The following ATRNL1 variants were observed in gnomAD, a reference collection of about 807,000 sequenced individuals.
ATRNL1 encodes the protein attractin-like protein 1.
ATRNL1 carries 95 observed loss-of-function variants against 182.7 expected under a neutral mutation model. That is an observed-to-expected ratio of 0.52 (90% CI 0.44 to 0.62). The LOEUF is 0.62. ATRNL1 is among the 20% of genes least tolerant of loss of function. The probability of loss-of-function intolerance (pLI) is 0.00; values close to 1 mark genes in which losing one functional copy is unlikely to be tolerated. For missense variants in ATRNL1, 1,471 were observed against 1,679.5 expected (o/e 0.88, Z 2.17); for synonymous variants, 576 against 568.3 (o/e 1.01, Z -0.19).
intron 13 of ATRNL1, among the ~76,000 whole-genome samples, chr10:115,280,767 T>TG (rs1852324758): frequency 6.6e-6 from 1 of 152,218 alleles, no homozygotes; most frequent in African/African-American, 2.4e-5. Flanking sequence ...GCTTCTTCTA[T>TG]CTGGTGAAAA....
At chr10:115,676,620 A>G (rs1242124381) in intron 26 of ATRNL1, among the ~76,000 whole-genome samples, 1 of 152,030 alleles carries the variant, frequency 6.6e-6, no homozygotes, top group African/African-American at 2.4e-5. Context: ...GTAAGTATGC[A>G]GTTAAGAACA....
At chr10:115,850,158 A>G (rs1589602444) in intron 28 of ATRNL1, among the ~76,000 whole-genome samples, 1 of 152,306 alleles carries the variant, frequency 6.6e-6, no homozygotes, top group East Asian at 1.9e-4. Context: ...TAAGAGGGGT[A>G]GATGGACTGA....
Position 115,093,909 on chromosome 10 carries a change from C to G in ATRNL1, c.159C>G (p.Leu53=). 10 of 1,597,526 alleles carry G rather than the reference C, an allele frequency of 6.3e-6. No homozygotes were observed. Among genetic ancestry groups the G allele is most frequent in the Non-Finnish European group, 8.5e-6 (10 of 1,173,636 alleles). Residue 53 remains leucine, a synonymous_variant, in exon 1 of 29, where the codon CTC becomes CTG. Coordinates refer to ENST00000355044, the MANE Select transcript of ATRNL1 (RefSeq NM_207303.4). This position sits in a 1 kb window ranked among gnomAD's most constrained non-coding sequence, Gnocchi z 6.1. Reference sequence around the variant, plus strand: ...GCTATGGCTTCCTCTACCTGGCGCTCTACGCGCAGGTGTCCCAGTCCAAGC... The same window carrying G: ...GCTATGGCTTCCTCTACCTGGCGCTGTACGCGCAGGTGTCCCAGTCCAAGC... ...LLCYGFLYLA[L]YAQVSQSKPC...
intron 27 of ATRNL1, among the ~76,000 whole-genome samples, chr10:115,731,288 T>C (rs1555062700): frequency 6.6e-6 from 1 of 152,162 alleles, no homozygotes; most frequent in African/African-American, 2.4e-5. Flanking sequence ...TCCAGGACAA[T>C]GTGGACTGTG....
intron 27 of ATRNL1, among the ~76,000 whole-genome samples, chr10:115,798,153 G>A (rs2134228144): frequency 6.6e-6 from 1 of 152,208 alleles, no homozygotes; most frequent in African/African-American, 2.4e-5. Flanking sequence ...TCCTGACCTT[G>A]TGATCCGCCC....
intron 26 of ATRNL1, among the ~76,000 whole-genome samples, chr10:115,588,183 G>A (rs1265368263): frequency 1.3e-5 from 2 of 152,048 alleles, no homozygotes; most frequent in African/African-American, 2.4e-5. Context: ...TTGGCTCTCC[G>A]GAATCATTCT....
chr10:115,543,521 C>A (rs1554992694), intron 25 of ATRNL1, among the ~76,000 whole-genome samples: 1 of 151,940 alleles, frequency 6.6e-6, no homozygotes, highest in African/African-American at 2.4e-5. Flanking sequence ...TAATAATATG[C>A]CCAAACCATC....
chr10:115,196,137 T>C (rs1428258953), intron 8 of ATRNL1, among the ~76,000 whole-genome samples: 1 of 152,044 alleles, frequency 6.6e-6, no homozygotes, highest in African/African-American at 2.4e-5. Context: ...CTACAGCCTG[T>C]CATTTAGAGA....
At chr10:115,477,578 GT>G (rs1229424398) in intron 24 of ATRNL1, among the ~76,000 whole-genome samples, 1 of 151,554 alleles carries the variant, frequency 6.6e-6, no homozygotes, top group Non-Finnish European at 1.5e-5. Flanking sequence ...CTGGGAAGTA[GT>G]TTTTTGGCTT....
chr10:115,933,485 G>A (rs781989704), intron 28 of ATRNL1, among the ~76,000 whole-genome samples: 26 of 152,042 alleles, frequency 1.7e-4, no homozygotes, highest in African/African-American at 6.1e-4. Context: ...AGCCCACTCT[G>A]CTGCCGCCCA....
chr10:115,471,908 C>CA (rs1383731230), intron 24 of ATRNL1, among the ~76,000 whole-genome samples: 4 of 150,748 alleles, frequency 2.7e-5, no homozygotes, highest in South Asian at 2.1e-4. Flanking sequence ...GTATTATATC[C>CA]AAAAAAATCA....
At position 115,528,531 on chromosome 10, in the gene ATRNL1, G is replaced by A. The variant is rs1008572288; in HGVS notation, c.3716+9207G>A. On this transcript the variant is annotated intron_variant, in intron 25 of 28. Transcript: ENST00000355044. ...TTTCTTTCTCTTTTCTTTTTTTTTG[G>A]TCAGTCTAACTAAAGGTTTGCCAAT... Among the ~76,000 whole-genome samples, 5 of 150,370 alleles carry A rather than the reference G, an allele frequency of 3.3e-5. No individual in the cohort carries two copies. The South Asian group carries it at 6.3e-4, about 19-fold the overall frequency.
intron 5 of ATRNL1, among the ~76,000 whole-genome samples, chr10:115,148,605 C>A (rs1564774880): frequency 6.6e-6 from 1 of 152,048 alleles, no homozygotes; most frequent in Non-Finnish European, 1.5e-5. Flanking sequence ...TTGTCTCGCA[C>A]TAAGGAAATC....
intron 27 of ATRNL1, among the ~76,000 whole-genome samples, chr10:115,793,760 G>A (rs782668285): frequency 5.3e-5 from 8 of 152,204 alleles, no homozygotes; most frequent in African/African-American, 1.4e-4. Context: ...TTAAAACTAC[G>A]ATGAATAAGG....
chr10:115,281,175 C>G (rs115424850), intron 13 of ATRNL1, among the ~76,000 whole-genome samples, 180 bp from the exon 14 acceptor site: 1,705 of 152,102 alleles, frequency 0.011, 28 homozygotes, highest in African/African-American at 0.038. Flanking sequence ...AGCTTCAGGC[C>G]AAATTTAATT....
At chr10:115,357,854 TA>T (rs1241729415) in intron 19 of ATRNL1, among the ~76,000 whole-genome samples, 2 of 151,684 alleles carry the variant, frequency 1.3e-5, no homozygotes, top group East Asian at 3.9e-4. Flanking sequence ...ATTAATTAGT[TA>T]AGAAATGGAA....
intron 28 of ATRNL1, among the ~76,000 whole-genome samples, chr10:115,896,700 C>T (rs1555112605): frequency 6.6e-6 from 1 of 151,744 alleles, no homozygotes. Context: ...TAATTTAGTG[C>T]CATAATAAAG....
chr10:115,522,787 T>C (rs1554985584), intron 25 of ATRNL1, among the ~76,000 whole-genome samples: 2 of 152,140 alleles, frequency 1.3e-5, no homozygotes, highest in African/African-American at 2.4e-5. Flanking sequence ...GTGGAACAAA[T>C]ATTGAGTAAA....
chr10:115,556,034 A>G (rs1299512370), intron 26 of ATRNL1, among the ~76,000 whole-genome samples: 1 of 151,988 alleles, frequency 6.6e-6, no homozygotes, highest in Admixed American at 6.6e-5. Context: ...GTCAGACCGA[A>G]CCATACAGAG....
Sources: gnomAD v4.1 joint callset for allele counts (sites outside exome capture counted in the v4.1 genomes callset) on GRCh38, gnomAD v4.1.1 for gene constraint, Gnocchi (gnomAD v3.1) non-coding constraint, MANE v1.5 for transcripts, NCBI Gene and HGNC (gene_info 2026-07-23, HGNC 2026-07-21) for gene names.